Variants in TRMU observed in about 807,000 individuals in gnomAD.
TRMU encodes the protein tRNA mitochondrial 2-thiouridylase.
A neutral mutation model predicts 46.9 loss-of-function variants in TRMU; 49 were observed. The ratio of observed to expected loss-of-function variants is 1.05; its 90% CI spans 0.83 to 1.33. TRMU has a LOEUF of 1.33. Ranked by LOEUF, TRMU falls within the 40% of genes most tolerant of loss-of-function variation. The probability of loss-of-function intolerance (pLI) is 0.00; values close to 1 mark genes in which losing one functional copy is unlikely to be tolerated. For missense variants in TRMU, 572 were observed against 532.4 expected, an observed-to-expected ratio of 1.07 and a Z score of -0.73; for synonymous variants, 241 against 200.9, an observed-to-expected ratio of 1.20 and a Z score of -1.69.
Position 46,346,511 on chromosome 22 carries a change from G to C in TRMU, c.445G>C (p.Gly149Arg). ...GCAGAAGCACGTTAAGAAGCCCGAA[G>C]GGCTTTTCAGAAATCGGTTTGAAGT... ...FEQKHVKKPE[G>R]LFRNRFEVRN... The change falls in exon 4 of 11, where the codon GGG (glycine) becomes CGG (arginine). Residue 149 changes from glycine (G) to arginine (R), a missense_variant. Gly to Arg is a moderately radical substitution (Grantham distance 125). Transcript: ENST00000645190. 6.2e-7 allele frequency: 1 copy of C among 1,612,984 alleles called. No homozygotes were observed. The highest frequency in any genetic ancestry group is 1.3e-5 in the African/African-American group (1 of 75,058).
In TRMU at chr22:46,348,462, G is replaced by T. The variant is rs1256404263; in HGVS notation, c.479-1829G>T. On this transcript the variant is annotated intron_variant, in intron 4 of 10. Transcript: ENST00000645190. The surrounding 1 kb of genome is among the most constrained non-coding windows in gnomAD (Gnocchi z 4.8). ...GCCCTGGCCCAGCCTGGGTCTCTGG[G>T]TAGAGCACCTGCAGGGGCAGTGGAC... 1.3e-5 allele frequency among the ~76,000 whole-genome samples: 2 copies of T among 152,208 alleles called. No individual in the cohort carries two copies. The highest frequency in any genetic ancestry group is 6.5e-5 in the Admixed American group (1 of 15,286).
chr22:46,355,976 T>C lies in TRMU; in HGVS notation c.1019-14T>C. The C allele has an allele frequency of 1.2e-6, 2 of 1,613,702 alleles. No individual in the cohort carries two copies. Among genetic ancestry groups the C allele is most frequent in the South Asian group, 1.1e-5 (1 of 91,078 alleles). On this transcript the variant is annotated splice_polypyrimidine_tract_variant and intron_variant, in intron 9 of 10. Coordinates refer to ENST00000645190, the MANE Select transcript of TRMU (RefSeq NM_018006.5). ...GGCCTGTGCCCCCTCCAAGGGCCCC[T>C]CTCTTCTACCCAGTGCCCTGTGTGC...
chr22:46,348,525 G>C lies in TRMU; in HGVS notation c.479-1766G>C, dbSNP rs913949471. ...GGGTCGGTCAGCACCTGAGACCAGCGCTCCTAGGCCTGGCCTGTGACTGGG... is the reference window on the plus strand; with the variant it reads ...GGGTCGGTCAGCACCTGAGACCAGCCCTCCTAGGCCTGGCCTGTGACTGGG... On this transcript the variant is annotated intron_variant, in intron 4 of 10. Coordinates refer to ENST00000645190, the MANE Select transcript of TRMU (RefSeq NM_018006.5). The surrounding 1 kb of genome is among the most constrained non-coding windows in gnomAD (Gnocchi z 4.8). Among the ~76,000 whole-genome samples the C allele has an allele frequency of 6.6e-6, 1 of 152,312 alleles. No homozygotes were observed. The highest frequency in any genetic ancestry group is 2.1e-4 in the South Asian group (1 of 4,830).
rs1317152287 is a variant in TRMU, at chr22:46,339,695, G to T, written c.248+1751G>T. Among the ~76,000 whole-genome samples the T allele has an allele frequency of 3.9e-5, 6 of 152,132 alleles. No homozygotes were observed. Among genetic ancestry groups the T allele is most frequent in the Non-Finnish European group, 7.4e-5 (5 of 68,026 alleles). ...TGAAATAACAATAAAACGAAATTTA[G>T]AGAGATTAAGTAAATTGACTATGGT... On this transcript the variant is annotated intron_variant, in intron 2 of 10. Transcript: ENST00000645190. This position sits in a 1 kb window ranked among gnomAD's most constrained non-coding sequence, Gnocchi z 4.8.
rs1381046312 is a variant in TRMU at position 46,352,311 on chromosome 22, G to A, written c.753G>A (p.Lys251=). 5.0e-6 allele frequency: 8 copies of A among 1,614,048 alleles called. No individual in the cohort carries two copies. The highest frequency in any genetic ancestry group is 6.8e-6 in the Non-Finnish European group (8 of 1,180,038). The change falls in exon 7 of 11, where the codon AAG becomes AAA. Residue 251 remains lysine (K), a synonymous_variant. Transcript: ENST00000645190. ...PGHFISIEDN[K]VLGTHKGWFL... ...ACTTTATTTCCATAGAAGACAATAA[G>A]GTTCTGGGAACACATAAAGGTGAGG...
intron 10 of TRMU, 35 bp from the exon 11 acceptor site, chr22:46,356,807 G>A (rs2078624486): frequency 6.2e-7 from 1 of 1,611,098 alleles, no homozygotes; most frequent in African/African-American, 1.3e-5. Flanking sequence ...CTGGCTCCCT[G>A]TGGCACCCCT....
At chr22:46,354,248 G>A (rs2078526719) in intron 8 of TRMU, 3 of 306,642 alleles carry the variant, frequency 9.8e-6, no homozygotes, top group South Asian at 5.9e-5. Flanking sequence ...TCAGGCAGGT[G>A]CAGATGGCCA....
At position 46,353,642 on chromosome 22, in the gene TRMU, C is replaced by T. The variant is rs2078504003; in HGVS notation, c.773-125C>T. On this transcript the variant is annotated intron_variant, in intron 7 of 10. Transcript: ENST00000645190. ...TTGGTGGTTGGAGAATCGTATCTTCCTAGTGAGTTACACCATTGCTGGGCC... is the reference window on the plus strand; with the variant it reads ...TTGGTGGTTGGAGAATCGTATCTTCTTAGTGAGTTACACCATTGCTGGGCC... The T allele has an allele frequency of 7.2e-6, 6 of 836,268 alleles. No individual in the cohort carries two copies. The Admixed American group carries it at 1.1e-4, about 15-fold the overall frequency. 51.8% of individuals were successfully genotyped at this position (836,268 alleles called of 1,614,324 possible).
At chr22:46,355,856 C>A in intron 9 of TRMU, 134 bp from the exon 10 acceptor site, 1 of 1,120,192 alleles carries the variant, frequency 8.9e-7, no homozygotes, top group Non-Finnish European at 1.3e-6. Context: ...GTCCAGGGCC[C>A]AGGCTGGTGC....
At chr22:46,343,412 G>A in intron 3 of TRMU, 44 bp downstream of exon 3, 1 of 1,411,268 alleles carries the variant, frequency 7.1e-7, no homozygotes, top group Non-Finnish European at 1.0e-6. Flanking sequence ...TAAAGACAGG[G>A]TCTCGCTCTG....
rs1432111149 is a variant in TRMU, at chr22:46,338,916, T to G, written c.248+972T>G. Among the ~76,000 whole-genome samples, 1 of 152,190 alleles carries G rather than the reference T, an allele frequency of 6.6e-6. No individual in the cohort carries two copies. Among genetic ancestry groups the G allele is most frequent in the Non-Finnish European group, 1.5e-5 (1 of 68,044 alleles). The stretch of plus-strand genomic sequence containing the variant: ...CCTTGGGTTGAGTCCTGACTGTAGC[T>G]TATTATATGACCTTGGGCAATTTAC... On this transcript the variant is annotated intron_variant, in intron 2 of 10. Transcript: ENST00000645190. The surrounding 1 kb of genome is among the most constrained non-coding windows in gnomAD (Gnocchi z 4.5).
rs1180021642 is a variant in TRMU at position 46,335,953 on chromosome 22, T to G, written c.82+107T>G. The G allele has an allele frequency of 4.0e-6, 6 of 1,486,222 alleles. No individual in the cohort carries two copies. In the East Asian group the frequency reaches 1.0e-4, roughly 26 times the overall value. 92.1% of individuals were successfully genotyped at this position (1,486,222 alleles called of 1,614,324 possible). On this transcript the variant is annotated intron_variant, in intron 1 of 10. Transcript: ENST00000645190. ...GTCTCCTCCCTCCCTGGGCCGCTGG[T>G]TGCGCGCGGGTCGGCAGGAGGATAC... is the stretch of plus-strand genomic sequence containing the variant.
intron 6 of TRMU, 21 bp downstream of exon 6, chr22:46,352,195 CAA>C (rs766856048): frequency 1.5e-5 from 25 of 1,614,084 alleles, no homozygotes; most frequent in African/African-American, 6.7e-5. Context: ...CTCTTTGACA[CAA>C]AGAGATGGGG....
intron 2 of TRMU, 37 bp from the exon 3 acceptor site, chr22:46,343,225 T>G (rs1330719171): frequency 3.5e-6 from 5 of 1,440,026 alleles, no homozygotes; most frequent in Non-Finnish European, 4.9e-6. Context: ...GAGGAATGTT[T>G]CACACTTGGA....
chr22:46,354,336 G>A (rs147847327), intron 8 of TRMU: 3,815 of 184,636 alleles, frequency 0.021, 56 homozygotes, highest in Non-Finnish European at 0.028. Context: ...GGGCCGCTCA[G>A]TGGCGGCAAG....
Position 46,343,263 on chromosome 22 carries a change from G to A in TRMU, c.250G>A (p.Asp84Asn). The change falls in exon 3 of 11, where the codon GAC becomes AAC. Residue 84 changes from aspartate (D) to asparagine (N), a missense_variant and splice_region_variant. Physicochemically the swap from Asp to Asn is conservative, Grantham distance 23. Coordinates refer to ENST00000645190, the MANE Select transcript of TRMU (RefSeq NM_018006.5). ...VKEYWNDVFS[D>N]FLNEYEKGRT... ...TGAAGTCATTTTCTTTTATTCTAGT[G>A]ACTTTTTGAATGAGTATGAAAAAGG... The A allele has an allele frequency of 6.3e-7, 1 of 1,596,408 alleles. No individual in the cohort carries two copies. The highest frequency in any genetic ancestry group is 8.6e-7 in the Non-Finnish European group (1 of 1,165,344).
In TRMU at chr22:46,338,950, GTTTT is replaced by G. The variant is rs1462454825; in HGVS notation, c.248+1010_248+1013del. Reference sequence around the variant, plus strand: ...GACCTTGGGCAATTTACTTGACTTTGTTTTTTTAATTGAAAAAAATTCTCTTTTT... The same window carrying G: ...GACCTTGGGCAATTTACTTGACTTTGTTTAATTGAAAAAAATTCTCTTTTT... On this transcript the variant is annotated intron_variant, in intron 2 of 10. Coordinates refer to ENST00000645190, the MANE Select transcript of TRMU (RefSeq NM_018006.5). This position sits in a 1 kb window ranked among gnomAD's most constrained non-coding sequence, Gnocchi z 4.5. Among the ~76,000 whole-genome samples, 1 of 152,058 alleles carries G rather than the reference GTTTT, an allele frequency of 6.6e-6. No homozygotes were observed. Among genetic ancestry groups the G allele is most frequent in the Non-Finnish European group, 1.5e-5 (1 of 68,006 alleles).
intron 4 of TRMU, among the ~76,000 whole-genome samples, chr22:46,346,900 T>C (rs1273676833): frequency 6.6e-6 from 1 of 152,260 alleles, no homozygotes; most frequent in Non-Finnish European, 1.5e-5. Flanking sequence ...CAAGGACCTG[T>C]ACTTAGCAAC....
intron 9 of TRMU, 193 bp downstream of exon 9, chr22:46,355,781 T>C: frequency 9.1e-7 from 1 of 1,096,852 alleles, no homozygotes; most frequent in Non-Finnish European, 1.3e-6. Context: ...TGGGAGCAGA[T>C]GCAGGCAGGC....
Sources: allele counts gnomAD v4.1 joint callset (sites outside exome capture counted in the v4.1 genomes callset), GRCh38; gene constraint gnomAD v4.1.1; non-coding constraint Gnocchi (gnomAD v3.1); transcripts MANE v1.5; gene names NCBI Gene and HGNC (gene_info 2026-07-23, HGNC 2026-07-21).